Variants in ST7 observed in about 807,000 individuals in gnomAD.
ST7 encodes the protein suppressor of tumorigenicity 7 protein.
A neutral mutation model predicts 78.7 loss-of-function variants in ST7; 28 were observed. The observed-to-expected ratio is 0.36, with a 90% CI of 0.26 to 0.49. The LOEUF is 0.49. ST7 is among the 20% of genes least tolerant of loss of function. ST7 has a pLI of 0.99. For missense variants in ST7, 418 were observed against 696.0 expected, an observed-to-expected ratio of 0.60 and a Z score of 4.49; for synonymous variants, 247 against 249.6, an observed-to-expected ratio of 0.99 and a Z score of 0.10.
intron 9 of ST7, among the ~76,000 whole-genome samples, chr7:117,152,254 A>G (rs2117163713): frequency 7.4e-6 from 1 of 135,152 alleles, no homozygotes; most frequent in East Asian, 2.4e-4. Flanking sequence ...TCTTTAGTGA[A>G]CACCTCTCTG....
intron 1 of ST7, among the ~76,000 whole-genome samples, chr7:117,060,570 T>C (rs1019197419): frequency 3.3e-5 from 5 of 152,186 alleles, no homozygotes; most frequent in Admixed American, 3.3e-4. Context: ...ATAATAAAAT[T>C]GTGTGAAAGC....
At chr7:117,124,089 T>A (rs769387084) in intron 3 of ST7, among the ~76,000 whole-genome samples, 3 of 152,110 alleles carry the variant, frequency 2.0e-5, no homozygotes, top group Non-Finnish European at 4.4e-5. Flanking sequence ...AGAAGCAATT[T>A]AAGTGCTGAT....
chr7:117,124,580 A>C (rs1384523603), intron 3 of ST7, among the ~76,000 whole-genome samples: 1 of 152,182 alleles, frequency 6.6e-6, no homozygotes, highest in Non-Finnish European at 1.5e-5. Context: ...ATTATTTCTG[A>C]AGTGACATTA....
intron 1 of ST7, chr7:116,972,093 G>A (rs2116259495): frequency 1.9e-6 from 1 of 532,230 alleles, no homozygotes; most frequent in Non-Finnish European, 3.7e-6. Flanking sequence ...TTAAAGGTCA[G>A]CTTCAGGCAG....
At chr7:117,046,826 A>T (rs888911678) in intron 1 of ST7, among the ~76,000 whole-genome samples, 3 of 152,188 alleles carry the variant, frequency 2.0e-5, no homozygotes, top group Admixed American at 2.0e-4. Flanking sequence ...TCATGTATTC[A>T]TGGCTATAAA....
At chr7:117,224,867 A>G (rs1793337824) in intron 15 of ST7, among the ~76,000 whole-genome samples, 1 of 152,202 alleles carries the variant, frequency 6.6e-6, no homozygotes, top group South Asian at 2.1e-4. Context: ...ATGGTGTGCC[A>G]TCACAGCTGT....
intron 1 of ST7, among the ~76,000 whole-genome samples, chr7:117,015,448 ATGAAG>A (rs1308097512): frequency 6.6e-6 from 1 of 152,226 alleles, no homozygotes. Flanking sequence ...TGTTAATGTA[ATGAAG>A]TGAATTGGAG....
chr7:117,090,432 C>T (rs995566729), intron 1 of ST7, among the ~76,000 whole-genome samples: 1 of 152,200 alleles, frequency 6.6e-6, no homozygotes, highest in Non-Finnish European at 1.5e-5. Context: ...ACATTGAGTA[C>T]TGTGTGGACC....
intron 9 of ST7, among the ~76,000 whole-genome samples, chr7:117,138,974 G>A (rs1464581639): frequency 6.6e-6 from 1 of 152,012 alleles, no homozygotes; most frequent in African/African-American, 2.4e-5. Flanking sequence ...AATTAATTAT[G>A]GGTCAAATTA....
intron 1 of ST7, among the ~76,000 whole-genome samples, chr7:117,045,464 A>G (rs1398973331): frequency 2.0e-5 from 3 of 151,996 alleles, no homozygotes; most frequent in Admixed American, 6.6e-5. Context: ...TTCTTTCTCC[A>G]TATCTGCATG....
At chr7:117,200,878 A>C (rs1810781820) in intron 12 of ST7, among the ~76,000 whole-genome samples, 1 of 150,328 alleles carries the variant, frequency 6.7e-6, no homozygotes, top group South Asian at 2.1e-4. Flanking sequence ...AGAAACTCTA[A>C]TTTCATGGGG....
At chr7:117,093,929 A>G (rs561801829) in intron 1 of ST7, among the ~76,000 whole-genome samples, 1 of 152,208 alleles carries the variant, frequency 6.6e-6, no homozygotes, top group Non-Finnish European at 1.5e-5. Context: ...TGATTTACCA[A>G]GAAAGTAAGT....
rs1025651538 is a variant in ST7 at position 117,219,539 on chromosome 7, C to A, written c.1498+363C>A. On this transcript the variant is annotated intron_variant, in intron 14 of 15. Transcript: ENST00000323984. The surrounding 1 kb of genome is among the most constrained non-coding windows in gnomAD (Gnocchi z 5.1). ...GCTGGACAGATGTGGTCTGCACCGACCGGAGTTTGAAGAGGAGCTGCTGAC... is the reference window on the plus strand; with the variant it reads ...GCTGGACAGATGTGGTCTGCACCGAACGGAGTTTGAAGAGGAGCTGCTGAC... Among the ~76,000 whole-genome samples the A allele has an allele frequency of 3.9e-5, 6 of 152,160 alleles. No homozygotes were observed.
intron 1 of ST7, among the ~76,000 whole-genome samples, chr7:117,039,447 A>C (rs1467050905): frequency 6.6e-6 from 1 of 152,048 alleles, no homozygotes; most frequent in Admixed American, 6.6e-5. Context: ...GGTCTCATGT[A>C]CCTGTGGTCC....
At chr7:117,077,934 A>G (rs1403030867) in intron 1 of ST7, among the ~76,000 whole-genome samples, 2 of 149,976 alleles carry the variant, frequency 1.3e-5, no homozygotes, top group African/African-American at 4.9e-5. Flanking sequence ...TTTATTAGTG[A>G]GATTAGCCCT....
intron 14 of ST7, among the ~76,000 whole-genome samples, chr7:117,221,312 C>T (rs1181197016): frequency 2.0e-5 from 3 of 152,224 alleles, no homozygotes; most frequent in East Asian, 1.9e-4. Context: ...TGCCAGATAA[C>T]CCTAGCAGTC....
intron 1 of ST7, among the ~76,000 whole-genome samples, chr7:117,048,148 T>A (rs1300065352): frequency 6.6e-6 from 1 of 152,084 alleles, no homozygotes; most frequent in Admixed American, 6.5e-5. Flanking sequence ...CATTTTCATG[T>A]TTAGTAGGCC....
chr7:117,086,984 T>C (rs1032322698), intron 1 of ST7, among the ~76,000 whole-genome samples: 1 of 152,212 alleles, frequency 6.6e-6, no homozygotes, highest in Non-Finnish European at 1.5e-5. Context: ...GCTTCTTATC[T>C]CCGTGGGTTA....
chr7:116,955,932 G>T (rs368605194), intron 1 of ST7, among the ~76,000 whole-genome samples: 18 of 152,270 alleles, frequency 1.2e-4, no homozygotes, highest in African/African-American at 4.3e-4. Flanking sequence ...ACCTGATGAT[G>T]CTGGACTTTT....
Sources: gnomAD v4.1 joint callset for allele counts (sites outside exome capture counted in the v4.1 genomes callset) on GRCh38, gnomAD v4.1.1 for gene constraint, Gnocchi (gnomAD v3.1) non-coding constraint, MANE v1.5 for transcripts, NCBI Gene and HGNC (gene_info 2026-07-23, HGNC 2026-07-21) for gene names.